The following KCNAB1 variants were observed in gnomAD, a reference collection of about 807,000 sequenced individuals.
KCNAB1 encodes the protein potassium voltage-gated channel subfamily A regulatory beta subunit 1.
A neutral mutation model predicts 64.6 loss-of-function variants in KCNAB1; 35 were observed. The ratio of observed to expected loss-of-function variants is 0.54; its 90% CI spans 0.41 to 0.72. The LOEUF (loss-of-function observed/expected upper bound fraction) is 0.72. KCNAB1 is among the 30% of genes least tolerant of loss of function. KCNAB1 has a pLI of 0.00. For synonymous variants in KCNAB1, 177 were observed against 183.8 expected, an observed-to-expected ratio of 0.96 and a Z score of 0.30; for missense variants, 401 against 512.9, an observed-to-expected ratio of 0.78 and a Z score of 2.11.
intron 1 of KCNAB1, among the ~76,000 whole-genome samples, chr3:156,327,975 T>C (rs985850774): frequency 2.0e-5 from 3 of 152,074 alleles, no homozygotes; most frequent in African/African-American, 4.8e-5. Context: ...TGGGATCTCA[T>C]GTTGTCTAAC....
intron 8 of KCNAB1, among the ~76,000 whole-genome samples, chr3:156,485,974 G>A (rs543475645): frequency 9.9e-5 from 15 of 151,782 alleles, no homozygotes; most frequent in Non-Finnish European, 2.1e-4. Flanking sequence ...ACTGTTTTCC[G>A]AGGGCCCAGG....
intron 1 of KCNAB1, among the ~76,000 whole-genome samples, chr3:156,210,961 T>C (rs1714968623): frequency 2.6e-5 from 4 of 152,154 alleles, no homozygotes; most frequent in Admixed American, 1.3e-4. Context: ...GGAAGCAGAG[T>C]TGGCCAAATG....
chr3:156,522,636 T>A (rs1279069425), intron 11 of KCNAB1, among the ~76,000 whole-genome samples: 1 of 152,120 alleles, frequency 6.6e-6, no homozygotes, highest in Non-Finnish European at 1.5e-5. Context: ...ATCGGCAAAA[T>A]AACTCAAAAA....
intron 8 of KCNAB1, among the ~76,000 whole-genome samples, chr3:156,496,177 G>T (rs1313877509): frequency 6.6e-6 from 1 of 152,116 alleles, no homozygotes; most frequent in African/African-American, 2.4e-5. Flanking sequence ...CACAATATTT[G>T]TAAAGATTTA....
At chr3:156,144,905 T>C (rs1577635529) in intron 1 of KCNAB1, among the ~76,000 whole-genome samples, 1 of 152,292 alleles carries the variant, frequency 6.6e-6, no homozygotes, top group Non-Finnish European at 1.5e-5. Flanking sequence ...TGAAGGTATG[T>C]TCTAGGAAAG....
intron 1 of KCNAB1, among the ~76,000 whole-genome samples, chr3:156,226,152 C>T (rs1367038525): frequency 2.0e-5 from 3 of 152,168 alleles, no homozygotes; most frequent in African/African-American, 7.2e-5. Flanking sequence ...CATCACATTA[C>T]CTGACTTCAA....
intron 1 of KCNAB1, among the ~76,000 whole-genome samples, chr3:156,206,503 C>A (rs1714672675): frequency 1.3e-5 from 2 of 152,180 alleles, no homozygotes; most frequent in African/African-American, 2.4e-5. Context: ...GAGAAGGAGC[C>A]TAGAAACATC....
intron 1 of KCNAB1, among the ~76,000 whole-genome samples, chr3:156,202,161 A>G (rs1442795760): frequency 2.6e-5 from 4 of 152,144 alleles, no homozygotes; most frequent in Admixed American, 2.0e-4. Context: ...CAAACCCTCT[A>G]GGCTCAACAC....
At chr3:156,407,064 G>A (rs1714294942) in intron 1 of KCNAB1, among the ~76,000 whole-genome samples, 1 of 152,204 alleles carries the variant, frequency 6.6e-6, no homozygotes, top group Non-Finnish European at 1.5e-5. Context: ...TTCACATAGA[G>A]TCTGTAGCAG....
chr3:156,411,275 A>C (rs962220648), intron 1 of KCNAB1, among the ~76,000 whole-genome samples: 2 of 152,120 alleles, frequency 1.3e-5, no homozygotes, highest in African/African-American at 4.8e-5. Flanking sequence ...GCTATTTTTA[A>C]ATGAGTTTTT....
In KCNAB1 at chr3:156,537,202, ATTG is replaced by A. The variant is rs561030606; in HGVS notation, c.*458_*460del. On this transcript the variant is annotated 3_prime_UTR_variant, in exon 14 of 14. Coordinates refer to ENST00000490337, the MANE Select transcript of KCNAB1 (RefSeq NM_172160.3). Reference sequence around the variant, plus strand: ...AGAGATTTTTCTTAGTAAATAGATTATTGTTAAGTAAATAGTTATTAAAAATAT... The same window carrying A: ...AGAGATTTTTCTTAGTAAATAGATTATTAAGTAAATAGTTATTAAAAATAT... 1.3e-4 allele frequency: 51 copies of A among 392,922 alleles called. No homozygotes were observed. In the Admixed American group the frequency reaches 1.7e-3, roughly 13 times the overall value. The allele number at this position is 392,922 out of a possible 1,614,324, so 24.3% of individuals were successfully genotyped here.
chr3:156,184,937 C>A (rs1713092448), intron 1 of KCNAB1, among the ~76,000 whole-genome samples: 1 of 152,154 alleles, frequency 6.6e-6, no homozygotes. Flanking sequence ...TGATGGAGAC[C>A]AACTAAGTGG....
rs143883787 is a variant in KCNAB1 at position 156,441,137 on chromosome 3, A to T, written c.320-11762A>T. On this transcript the variant is annotated intron_variant, in intron 2 of 13. Transcript: ENST00000490337. ...TTTTACAACGTATTATCTTGTTTTCACTAAGAGAGTTTATTTGCCTTGCCA... is the reference window on the plus strand; with the variant it reads ...TTTTACAACGTATTATCTTGTTTTCTCTAAGAGAGTTTATTTGCCTTGCCA... The T allele has an allele frequency of 2.6e-5, 4 of 152,252 alleles. No homozygotes were observed. In the East Asian group the frequency reaches 7.7e-4, roughly 29 times the overall value. 9.4% of individuals were successfully genotyped at this position (152,252 alleles called of 1,614,324 possible).
chr3:156,399,599 C>T (rs140395271), intron 1 of KCNAB1, among the ~76,000 whole-genome samples: 128 of 152,226 alleles, frequency 8.4e-4, no homozygotes, highest in African/African-American at 2.9e-3. Flanking sequence ...CTTGACAACA[C>T]GGCCTATGAG....
chr3:156,507,445 G>C lies in KCNAB1; in HGVS notation c.659-6919G>C, dbSNP rs186297849. On this transcript the variant is annotated intron_variant, in intron 8 of 13. Coordinates refer to ENST00000490337, the MANE Select transcript of KCNAB1 (RefSeq NM_172160.3). ...GACATTCAGCAAACCTTTAAGATAT[G>C]TGACTCATGATCCATACTAAGGATG... Among the ~76,000 whole-genome samples the C allele has an allele frequency of 3.9e-4, 59 of 152,284 alleles. 1 individual carries two copies. Among genetic ancestry groups the C allele is most frequent in the Non-Finnish European group, 4.4e-5 (3 of 68,014 alleles).
chr3:156,392,523 A>G (rs1713121270), intron 1 of KCNAB1, among the ~76,000 whole-genome samples: 2 of 152,204 alleles, frequency 1.3e-5, no homozygotes, highest in Non-Finnish European at 2.9e-5. Flanking sequence ...TCAATACAAC[A>G]TTGAATATAA....
chr3:156,518,461 G>GAAAGAAAAGAAAAGA (rs144279774), intron 11 of KCNAB1, among the ~76,000 whole-genome samples: 16 of 149,790 alleles, frequency 1.1e-4, no homozygotes, highest in African/African-American at 3.3e-4. Flanking sequence ...AAGAGAAAGA[G>GAAAGAAAAGAAAAGA]AAAGAAAAGA....
intron 1 of KCNAB1, among the ~76,000 whole-genome samples, chr3:156,406,129 A>G (rs775383843): frequency 2.0e-5 from 3 of 152,232 alleles, no homozygotes; most frequent in Non-Finnish European, 4.4e-5. Context: ...TAGCAAATGC[A>G]TCTTACATTG....
At chr3:156,274,692 T>A (rs1719239911) in intron 1 of KCNAB1, among the ~76,000 whole-genome samples, 1 of 152,208 alleles carries the variant, frequency 6.6e-6, no homozygotes, top group Non-Finnish European at 1.5e-5. Flanking sequence ...TATTTAACAT[T>A]TCCTGGGTTT....
Sources: allele counts gnomAD v4.1 joint callset (sites outside exome capture counted in the v4.1 genomes callset), GRCh38; gene constraint gnomAD v4.1.1; transcripts MANE v1.5; gene names NCBI Gene and HGNC (gene_info 2026-07-23, HGNC 2026-07-21).